The following MGA variants were observed in gnomAD, a reference collection of about 807,000 sequenced individuals.
The protein encoded by MGA is MAX dimerization protein MGA, also known as MAX gene-associated protein.
A neutral mutation model predicts 261.1 loss-of-function variants in MGA; 40 were observed. The observed-to-expected ratio is 0.15, with a 90% CI of 0.12 to 0.20. The LOEUF is 0.20. Among genes scored for constraint, MGA ranks in the 10% least tolerant of loss-of-function variants. The pLI is 1.00. For missense variants in MGA, 3,397 were observed against 3,630.5 expected (o/e 0.94, Z 1.65); for synonymous variants, 1,302 against 1,290.6 (o/e 1.01, Z -0.19).
chr15:41,633,549 A>T (rs570642244), intron 1 of MGA, among the ~76,000 whole-genome samples: 2 of 152,152 alleles, frequency 1.3e-5, no homozygotes, highest in East Asian at 3.9e-4. Context: ...TGGGGAAGAA[A>T]TCAAAATCTG....
intron 1 of MGA, among the ~76,000 whole-genome samples, chr15:41,667,040 A>C (rs2057783785): frequency 1.3e-5 from 2 of 152,300 alleles, no homozygotes; most frequent in African/African-American, 4.8e-5. Flanking sequence ...TGGTTGACCT[A>C]ACCCTTTCCA....
intron 5 of MGA, among the ~76,000 whole-genome samples, chr15:41,705,497 G>A (rs1289082118): frequency 2.0e-5 from 3 of 152,072 alleles, no homozygotes; most frequent in African/African-American, 7.2e-5. Context: ...GAGTAGCTGG[G>A]ATCACAGGCA....
intron 19 of MGA, 199 bp from the exon 20 acceptor site, chr15:41,760,124 T>G: frequency 1.8e-6 from 1 of 568,938 alleles, no homozygotes; most frequent in Non-Finnish European, 3.2e-6. Flanking sequence ...TTAGCATGTA[T>G]TAGAAATTAC....
chr15:41,767,529 A>G lies in MGA; in HGVS notation c.*249A>G. On this transcript the variant is annotated 3_prime_UTR_variant, in exon 24 of 24. Coordinates refer to ENST00000219905, the MANE Select transcript of MGA (RefSeq NM_001164273.2). ...CCCTCATCCTCTCTAAGAAGATGTG[A>G]TCCATTACTGAACATGAGGTGCCCC... 1 of 509,286 alleles carries G rather than the reference A, an allele frequency of 2.0e-6. No homozygotes were observed. Among genetic ancestry groups the G allele is most frequent in the Non-Finnish European group, 3.5e-6 (1 of 286,534 alleles). 31.5% of individuals were successfully genotyped at this position (509,286 alleles called of 1,614,324 possible). A position where few individuals can be genotyped will look rare whatever the true frequency, so the allele number is the denominator to read the frequency against.
At chr15:41,632,378 A>G (rs2056608443) in intron 1 of MGA, among the ~76,000 whole-genome samples, 1 of 152,226 alleles carries the variant, frequency 6.6e-6, no homozygotes, top group South Asian at 2.1e-4. Context: ...GGGCATGCAC[A>G]ATAGAAAAAG....
At chr15:41,627,120 GT>G (rs1208631874) in intron 1 of MGA, among the ~76,000 whole-genome samples, 3 of 152,094 alleles carry the variant, frequency 2.0e-5, no homozygotes, top group Non-Finnish European at 4.4e-5. Flanking sequence ...TGTTTCCCAG[GT>G]TGGTCTCCTG....
intron 9 of MGA, among the ~76,000 whole-genome samples, chr15:41,714,742 C>T (rs2060543095): frequency 1.3e-5 from 2 of 152,182 alleles, no homozygotes; most frequent in Admixed American, 1.3e-4. Flanking sequence ...ATCTTCCTGC[C>T]TTAGCCTCCC....
At chr15:41,753,303 G>A (rs1457032241) in intron 17 of MGA, among the ~76,000 whole-genome samples, 1 of 151,904 alleles carries the variant, frequency 6.6e-6, no homozygotes, top group Admixed American at 6.5e-5. Context: ...CCAACTACTC[G>A]GGAGGCTGAA....
chr15:41,642,832 A>G (rs1372742810), intron 1 of MGA, among the ~76,000 whole-genome samples: 1 of 150,908 alleles, frequency 6.6e-6, no homozygotes, highest in Admixed American at 6.6e-5. Context: ...CTGGTCTCGA[A>G]CTTCTAACCT....
chr15:41,655,163 T>C (rs1207331746), intron 1 of MGA, among the ~76,000 whole-genome samples: 3 of 148,750 alleles, frequency 2.0e-5, no homozygotes, highest in Non-Finnish European at 4.4e-5. Context: ...CCATATACTT[T>C]ATTTTTTTAA....
intron 11 of MGA, among the ~76,000 whole-genome samples, chr15:41,729,769 A>C (rs1049650862): frequency 3.3e-5 from 5 of 152,112 alleles, no homozygotes; most frequent in Non-Finnish European, 7.4e-5. Context: ...TGGAGGTTGG[A>C]GGTTGCAGTG....
intron 1 of MGA, among the ~76,000 whole-genome samples, chr15:41,664,543 A>AT (rs560980476): frequency 2.0e-5 from 3 of 152,020 alleles, no homozygotes; most frequent in African/African-American, 2.4e-5. Context: ...GGATAACTAG[A>AT]TTTTTTTTCA....
At chr15:41,658,047 G>A (rs1298589417), upstream of MGA, among the ~76,000 whole-genome samples, 3 of 152,214 alleles carry the variant, frequency 2.0e-5, no homozygotes, top group African/African-American at 4.8e-5. Flanking sequence ...GGAAAAGTGT[G>A]CATGTAAATG....
intron 11 of MGA, among the ~76,000 whole-genome samples, chr15:41,730,250 C>T (rs1298155361): frequency 1.3e-5 from 2 of 152,060 alleles, no homozygotes; most frequent in Non-Finnish European, 2.9e-5. Context: ...CTAGCCTGGC[C>T]AACAAGGTGA....
intron 18 of MGA, among the ~76,000 whole-genome samples, chr15:41,756,153 AAAGT>A (rs1376115430): frequency 6.6e-6 from 1 of 152,260 alleles, no homozygotes; most frequent in East Asian, 1.9e-4. Context: ...AGATATGAAG[AAAGT>A]GTTTGCCATA....
chr15:41,718,388 A>T, intron 9 of MGA: 8 of 1,149,332 alleles, frequency 7.0e-6, no homozygotes, highest in Non-Finnish European at 9.7e-6. Context: ...CCAATTTGTG[A>T]GGATAAATTC....
chr15:41,757,229 T>C (rs1452687421), intron 18 of MGA, among the ~76,000 whole-genome samples: 1 of 152,192 alleles, frequency 6.6e-6, no homozygotes, highest in Non-Finnish European at 1.5e-5. Context: ...TCCACAAATA[T>C]AGAAAGCATG....
rs776709954 is a variant in MGA at position 41,749,372 on chromosome 15, T to C, written c.5765T>C (p.Ile1922Thr). The C allele has an allele frequency of 1.9e-6, 3 of 1,614,002 alleles. No individual in the cohort carries two copies. The highest frequency in any genetic ancestry group is 2.5e-6 in the Non-Finnish European group (3 of 1,179,890). The change falls in exon 17 of 24, where the codon ATA becomes ACA. Residue 1922 changes from isoleucine to threonine, a missense_variant. Around this residue, in one of 9 missense-constraint regions of MGA, gnomAD observed 1,410 missense variants for 1,386.4 expected, o/e 1.02. Transcript: ENST00000219905. ...AGTAAAACAGGCTCTGAAACCAAAATAACTTATAGCTCAGGAGGACAGCCT... is the reference window on the plus strand; with the variant it reads ...AGTAAAACAGGCTCTGAAACCAAAACAACTTATAGCTCAGGAGGACAGCCT...
chr15:41,752,045 A>G (rs1481164165), intron 17 of MGA: 1 of 152,194 alleles, frequency 6.6e-6, no homozygotes, highest in Non-Finnish European at 1.5e-5. Flanking sequence ...GAAATATTTT[A>G]TTTTAGCGAT....
Sources: allele counts gnomAD v4.1 joint callset (sites outside exome capture counted in the v4.1 genomes callset), GRCh38; gene constraint gnomAD v4.1.1; regional missense constraint gnomAD v4.1.1; transcripts MANE v1.5; gene names NCBI Gene and HGNC (gene_info 2026-07-23, HGNC 2026-07-21).